MACC1: variants seen among roughly 807,000 people sequenced by gnomAD.
MACC1 encodes the protein MET transcriptional regulator MACC1.
Under a neutral mutation model 70.7 loss-of-function variants are expected in MACC1, and 79 were observed. That is an observed-to-expected ratio of 1.12 (90% CI 0.93 to 1.35). MACC1 has a LOEUF of 1.35. Ranked by LOEUF, MACC1 falls within the 40% of genes most tolerant of loss-of-function variation. The pLI, the probability that MACC1 is intolerant of heterozygous loss-of-function variation, is 0.00. For missense variants in MACC1, 1,106 were observed against 978.1 expected (o/e 1.13, Z -1.74); for synonymous variants, 361 against 347.2 (o/e 1.04, Z -0.44).
intron 1 of MACC1, among the ~76,000 whole-genome samples, chr7:20,183,568 G>T (rs1782542424): frequency 6.6e-6 from 1 of 152,166 alleles, no homozygotes; most frequent in Non-Finnish European, 1.5e-5. Flanking sequence ...TGTAGAAATG[G>T]AATCTAATGC....
At chr7:20,185,021 A>G (rs977338702) in intron 1 of MACC1, 2 of 152,182 alleles carry the variant, frequency 1.3e-5, no homozygotes, top group South Asian at 2.1e-4. Context: ...TATGATTCAC[A>G]GAGAACTTTT....
At chr7:20,198,197 T>C (rs767964574) in intron 1 of MACC1, among the ~76,000 whole-genome samples, 1 of 151,940 alleles carries the variant, frequency 6.6e-6, no homozygotes, top group Non-Finnish European at 1.5e-5. Context: ...TGGAGGAGAG[T>C]AGTGGAAAGA....
Position 20,179,061 on chromosome 7 carries a change from C to T in MACC1, c.-217-8283G>A, listed in dbSNP as rs193052601. 4.7e-3 allele frequency among the ~76,000 whole-genome samples: 713 copies of T among 152,046 alleles called. 20 individuals carry two copies. The highest frequency in any genetic ancestry group is 0.038 in the Admixed American group (580 of 15,282). ...TTTATTAACTTTTATGAACTTTTAT[C>T]TTCTTTTGCTTCGTGCTGTGTTCTC... On this transcript the variant is annotated intron_variant, in intron 1 of 6. Coordinates refer to ENST00000400331, the MANE Select transcript of MACC1 (RefSeq NM_182762.4).
chr7:20,144,431 T>G (rs779946060), intron 6 of MACC1, among the ~76,000 whole-genome samples: 2 of 152,130 alleles, frequency 1.3e-5, no homozygotes, highest in Non-Finnish European at 2.9e-5. Flanking sequence ...GGTGGCAGAG[T>G]CCTGTGTCTA....
At position 20,165,085 on chromosome 7, in the gene MACC1, G is replaced by C. The variant is rs534681828; in HGVS notation, c.-152-686C>G. ...GGATCATAACCTCTCAGAAACAAAG[G>C]CACCAAAGGGTCGTTAGCTGAGATT... On this transcript the variant is annotated intron_variant, in intron 2 of 6. Transcript: ENST00000400331. Among the ~76,000 whole-genome samples, 3 of 152,160 alleles carry C rather than the reference G, an allele frequency of 2.0e-5. No homozygotes were observed. In the South Asian group the frequency reaches 6.2e-4, roughly 32 times the overall value.
At chr7:20,184,768 A>AT (rs1399519575) in intron 1 of MACC1, among the ~76,000 whole-genome samples, 2 of 152,226 alleles carry the variant, frequency 1.3e-5, no homozygotes, top group East Asian at 3.9e-4. Flanking sequence ...TAGGAGCACC[A>AT]TTTTCCAGCA....
rs984184166 is a variant in MACC1 at position 20,138,443 on chromosome 7, C to T, written c.*2503G>A. 6.6e-5 allele frequency: 10 copies of T among 152,020 alleles called. No homozygotes were observed. Among genetic ancestry groups the T allele is most frequent in the Middle Eastern group, 3.2e-3 (1 of 316 alleles). 9.4% of individuals were successfully genotyped at this position (152,020 alleles called of 1,614,324 possible). On this transcript the variant is annotated 3_prime_UTR_variant, in exon 7 of 7. Coordinates refer to ENST00000400331, the MANE Select transcript of MACC1 (RefSeq NM_182762.4). ...AACCCAGTTATTAATCCCCACTATC[C>T]CTTCCCAAAATTCTCTGGTTAGCTG...
At chr7:20,183,821 C>G (rs191433954) in intron 1 of MACC1, among the ~76,000 whole-genome samples, 95 of 151,786 alleles carry the variant, frequency 6.3e-4, no homozygotes, top group African/African-American at 2.2e-3. Flanking sequence ...AATTCTCCTG[C>G]CTCAGCTTCC....
chr7:20,210,113 T>A (rs767445701), intron 1 of MACC1, among the ~76,000 whole-genome samples: 5 of 152,178 alleles, frequency 3.3e-5, no homozygotes, highest in Non-Finnish European at 7.4e-5. Flanking sequence ...ACATGAGAAC[T>A]AATGCACACA....
chr7:20,186,566 T>C, intron 1 of MACC1, among the ~76,000 whole-genome samples: 1 of 151,936 alleles, frequency 6.6e-6, no homozygotes. Flanking sequence ...TTAAATCCAC[T>C]GGAATAATTA....
intron 1 of MACC1, among the ~76,000 whole-genome samples, chr7:20,201,093 A>AAAT (rs1782827138): frequency 6.6e-6 from 1 of 152,170 alleles, no homozygotes; most frequent in East Asian, 1.9e-4. Context: ...TGGTGAATCA[A>AAAT]ATTTAAGTGA....
At chr7:20,212,924 T>A (rs1859809) in intron 1 of MACC1, among the ~76,000 whole-genome samples, 1 of 151,784 alleles carries the variant, frequency 6.6e-6, no homozygotes, top group Non-Finnish European at 1.5e-5. Flanking sequence ...GGAGACCCCA[T>A]TTGGTAGGTT....
At chr7:20,170,073 C>A (rs997039514) in intron 2 of MACC1, among the ~76,000 whole-genome samples, 2 of 152,148 alleles carry the variant, frequency 1.3e-5, no homozygotes, top group African/African-American at 4.8e-5. Flanking sequence ...TGCCATGATT[C>A]CTGCCAAAAG....
chr7:20,165,489 C>T (rs1782202323), intron 2 of MACC1, among the ~76,000 whole-genome samples: 1 of 151,506 alleles, frequency 6.6e-6, no homozygotes, highest in Non-Finnish European at 1.5e-5. Context: ...ACAGTACCAT[C>T]CTAAATCTAA....
At chr7:20,193,793 T>C (rs1424744756) in intron 1 of MACC1, among the ~76,000 whole-genome samples, 1 of 151,568 alleles carries the variant, frequency 6.6e-6, no homozygotes, top group Non-Finnish European at 1.5e-5. Context: ...TTTTTTTTTT[T>C]TTTGTCTCAT....
chr7:20,150,290 A>C (rs1781956225), intron 6 of MACC1: 1 of 152,204 alleles, frequency 6.6e-6, no homozygotes, highest in Non-Finnish European at 1.5e-5. Flanking sequence ...ATAAGCGTTA[A>C]GTATATGGAT....
At chr7:20,165,323 T>C (rs1161230660) in intron 2 of MACC1, among the ~76,000 whole-genome samples, 1 of 152,134 alleles carries the variant, frequency 6.6e-6, no homozygotes, top group Admixed American at 6.5e-5. Context: ...GATACTGTGG[T>C]TCGGTTCCAA....
At chr7:20,200,025 G>T (rs527310277) in intron 1 of MACC1, among the ~76,000 whole-genome samples, 6 of 145,428 alleles carry the variant, frequency 4.1e-5, no homozygotes, top group African/African-American at 1.5e-4. Context: ...ATACCATTAT[G>T]TGTGTGTGTG....
intron 6 of MACC1, among the ~76,000 whole-genome samples, chr7:20,143,439 A>G (rs1180371088): frequency 2.0e-5 from 3 of 152,140 alleles, no homozygotes; most frequent in African/African-American, 7.2e-5. Context: ...CCCAGGCTGG[A>G]GTGCAGTGGT....
Sources: allele counts gnomAD v4.1 joint callset (sites outside exome capture counted in the v4.1 genomes callset), GRCh38; gene constraint gnomAD v4.1.1; transcripts MANE v1.5; gene names NCBI Gene and HGNC (gene_info 2026-07-23, HGNC 2026-07-21).